Variants in MAU2 observed in about 807,000 individuals in gnomAD.
MAU2 encodes the protein MAU2 chromatid cohesion factor homolog.
A neutral mutation model predicts 89.1 loss-of-function variants in MAU2; 9 were observed. The ratio of observed to expected loss-of-function variants is 0.10; its 90% CI spans 0.06 to 0.18. The LOEUF (loss-of-function observed/expected upper bound fraction) is 0.18. Among genes scored for constraint, MAU2 ranks in the 10% least tolerant of loss-of-function variants. The pLI, the probability that MAU2 is intolerant of heterozygous loss-of-function variation, is 1.00. For missense variants in MAU2, 425 were observed against 803.5 expected (o/e 0.53, Z 5.69); for synonymous variants, 357 against 343.4 (o/e 1.04, Z -0.44).
chr19:19,321,232 G>C, intron 1 of MAU2, 97 bp downstream of exon 1: 2 of 1,341,358 alleles, frequency 1.5e-6, no homozygotes, highest in African/African-American at 1.5e-5. Context: ...CCGCTCCTCG[G>C]CGACCTGGGG....
intron 13 of MAU2, chr19:19,347,952 A>T (rs2061709300): frequency 6.7e-6 from 1 of 149,130 alleles, no homozygotes; most frequent in Non-Finnish European, 1.5e-5. Context: ...CAGCCCTGGG[A>T]TCCCCCTCAG....
chr19:19,349,422 C>G lies in MAU2; in HGVS notation c.1534C>G (p.Leu512Val). The change falls in exon 16 of 19, where the codon CTG becomes GTG. Residue 512 changes from leucine (L) to valine (V), a missense_variant. Leu to Val is a conservative substitution (Grantham distance 32, BLOSUM62 1). Coordinates refer to ENST00000262815, the MANE Select transcript of MAU2 (RefSeq NM_015329.4). ...LVLLGHIFYV[L>V]GNHRESNNMV... is the part of the protein sequence containing the mutation. ...GCTTCTGGGCCACATCTTCTATGTG[C>G]TGGGAAACCACAGGGTGAGTGCCCT... is the stretch of plus-strand genomic sequence containing the variant. The G allele has an allele frequency of 6.2e-7, 1 of 1,613,996 alleles. No individual in the cohort carries two copies. Among genetic ancestry groups the G allele is most frequent in the Non-Finnish European group, 8.5e-7 (1 of 1,179,988 alleles).
chr19:19,356,031 A>G lies in MAU2; in HGVS notation c.*249A>G. ...CGCTGTCTCTCCAGAGCCATCCTTC[A>G]GAGTGGACCTCAGTGCCAGTCCTGC... On this transcript the variant is annotated 3_prime_UTR_variant, in exon 19 of 19. Coordinates refer to ENST00000262815, the MANE Select transcript of MAU2 (RefSeq NM_015329.4). 1 of 642,410 alleles carries G rather than the reference A, an allele frequency of 1.6e-6. No individual in the cohort carries two copies. The highest frequency in any genetic ancestry group is 1.5e-5 in the South Asian group (1 of 66,212). The allele number at this position is 642,410 out of a possible 1,614,324, so 39.8% of individuals were successfully genotyped here. A position where few individuals can be genotyped will look rare whatever the true frequency, so the allele number is the denominator to read the frequency against.
chr19:19,346,298 C>G (rs1288104044), intron 12 of MAU2, among the ~76,000 whole-genome samples: 1 of 152,136 alleles, frequency 6.6e-6, no homozygotes, highest in Admixed American at 6.6e-5. Context: ...CCTCGTGGCC[C>G]TGCCATCCTG....
intron 4 of MAU2, among the ~76,000 whole-genome samples, chr19:19,337,996 G>T (rs2061611204): frequency 6.6e-6 from 1 of 152,218 alleles, no homozygotes; most frequent in African/African-American, 2.4e-5. Flanking sequence ...CAGGCGGGTG[G>T]CCGGCCCCCG....
intron 1 of MAU2, among the ~76,000 whole-genome samples, chr19:19,322,090 C>T (rs1244297003): frequency 2.0e-5 from 3 of 151,976 alleles, no homozygotes; most frequent in Admixed American, 6.6e-5. Flanking sequence ...TTCCGCCTCC[C>T]GGGTTCAGGC....
At chr19:19,334,664 C>T (rs2061582202) in intron 1 of MAU2, 4 of 946,430 alleles carry the variant, frequency 4.2e-6, no homozygotes, top group African/African-American at 1.8e-5. Flanking sequence ...GGCATTCTGA[C>T]CCTCAGCTAG....
At chr19:19,334,303 C>G in intron 1 of MAU2, 2 of 985,566 alleles carry the variant, frequency 2.0e-6, no homozygotes, top group Non-Finnish European at 1.2e-6. Context: ...GACGCTTGGG[C>G]TGGCAGAGGG....
intron 1 of MAU2, among the ~76,000 whole-genome samples, chr19:19,330,655 G>T (rs774847262): frequency 2.6e-5 from 4 of 152,094 alleles, no homozygotes; most frequent in Non-Finnish European, 5.9e-5. Context: ...CAGGAGAATC[G>T]CTTGAACCCG....
In MAU2 at chr19:19,338,829, T is replaced by C; in HGVS notation, c.457-16T>C. On this transcript the variant is annotated splice_polypyrimidine_tract_variant and intron_variant, in intron 4 of 18. Coordinates refer to ENST00000262815, the MANE Select transcript of MAU2 (RefSeq NM_015329.4). Reference sequence around the variant, plus strand: ...TGGGTTTGGCAGCAAAGGTCACTGCTCTCTTTCCTTTTTAGCAACTGCACA... The same window carrying C: ...TGGGTTTGGCAGCAAAGGTCACTGCCCTCTTTCCTTTTTAGCAACTGCACA... 1 of 1,601,478 alleles carries C rather than the reference T, an allele frequency of 6.2e-7. No homozygotes were observed. The highest frequency in any genetic ancestry group is 8.5e-7 in the Non-Finnish European group (1 of 1,171,142).
chr19:19,354,150 G>C, intron 16 of MAU2: 1 of 602,848 alleles, frequency 1.7e-6, no homozygotes, highest in South Asian at 1.8e-5. Flanking sequence ...AGAAGTGAGG[G>C]CAGTTTGTTT....
At chr19:19,341,155 G>A (rs936105088) in intron 6 of MAU2, 97 bp from the exon 7 acceptor site, 32 of 1,407,184 alleles carry the variant, frequency 2.3e-5, no homozygotes, top group Non-Finnish European at 2.9e-5. Context: ...ATTGGTGGCA[G>A]CAGTCCCAGG....
At chr19:19,331,709 C>T (rs569858854) in intron 1 of MAU2, among the ~76,000 whole-genome samples, 17 of 152,072 alleles carry the variant, frequency 1.1e-4, no homozygotes, top group African/African-American at 3.6e-4. Context: ...CAAGACCAGC[C>T]TGTGCAGCAT....
Position 19,320,906 on chromosome 19 carries a change from C to T in MAU2, c.47C>T (p.Ala16Val), listed in dbSNP as rs1413953220. 18 of 1,548,520 alleles carry T rather than the reference C, an allele frequency of 1.2e-5. No homozygotes were observed. Among genetic ancestry groups the T allele is most frequent in the African/African-American group, 2.8e-5 (2 of 71,502 alleles). The change falls in exon 1 of 19, where the codon GCT (alanine) becomes GTT (valine). Residue 16 changes from alanine to valine, a missense_variant. Ala to Val is a moderately conservative substitution (Grantham distance 64). Coordinates refer to ENST00000262815, the MANE Select transcript of MAU2 (RefSeq NM_015329.4). The stretch of plus-strand genomic sequence containing the variant: ...GCGGCCCAGGCGGCGGCGGCCCAGG[C>T]TGCGCAGGCCGAGGCGGCCGACTCG... ...AAAAQAAAAQAAQAEAADSWY... is the reference protein window; with the variant it reads ...AAAAQAAAAQVAQAEAADSWY...
At chr19:19,335,319 G>A (rs376736750) in intron 1 of MAU2, among the ~76,000 whole-genome samples, 84 of 152,260 alleles carry the variant, frequency 5.5e-4, no homozygotes, top group East Asian at 2.9e-3. Flanking sequence ...TTTGCTGAAC[G>A]TCCTTCCTCT....
Position 19,349,447 on chromosome 19 carries a change from T to C in MAU2, c.1548+11T>C. ...CTGGGAAACCACAGGGTGAGTGCCC[T>C]GGCCTGGGCCCCTCGCTTGGGTGCC... is the stretch of plus-strand genomic sequence containing the variant. On this transcript the variant is annotated intron_variant, in intron 16 of 18. Transcript: ENST00000262815. The C allele has an allele frequency of 6.2e-7, 1 of 1,610,986 alleles. No individual in the cohort carries two copies. Among genetic ancestry groups the C allele is most frequent in the South Asian group, 1.1e-5 (1 of 91,056 alleles).
chr19:19,348,766 G>T (rs1217343724), intron 13 of MAU2, 123 bp from the exon 14 acceptor site: 2 of 1,063,914 alleles, frequency 1.9e-6, no homozygotes, highest in East Asian at 4.8e-5. Flanking sequence ...CAGTCACCAG[G>T]CTCAGCCTGG....
At chr19:19,343,148 T>A (rs2061666212) in intron 9 of MAU2, among the ~76,000 whole-genome samples, 1 of 152,140 alleles carries the variant, frequency 6.6e-6, no homozygotes, top group African/African-American at 2.4e-5. Flanking sequence ...TTATTATCAG[T>A]GTTGTGACAG....
intron 1 of MAU2, among the ~76,000 whole-genome samples, chr19:19,327,358 C>CTCTG (rs2061519633): frequency 6.6e-6 from 1 of 150,422 alleles, no homozygotes; most frequent in Admixed American, 6.7e-5. Flanking sequence ...CAGAGTCTCG[C>CTCTG]TCTGTCGCCC....
Sources: gnomAD v4.1 joint callset for allele counts (sites outside exome capture counted in the v4.1 genomes callset) on GRCh38, gnomAD v4.1.1 for gene constraint, MANE v1.5 for transcripts, NCBI Gene and HGNC (gene_info 2026-07-23, HGNC 2026-07-21) for gene names.